The following HYDIN variants were observed in gnomAD, a reference collection of about 807,000 sequenced individuals.
The protein encoded by HYDIN is HYDIN axonemal central pair apparatus protein, also known as axonemal central pair apparatus protein HYDIN.
In HYDIN, 132 loss-of-function variants were observed where a neutral mutation model predicts 403.9. That is an observed-to-expected ratio of 0.33 (90% CI 0.28 to 0.38). The LOEUF (loss-of-function observed/expected upper bound fraction) is 0.38. Ranked by LOEUF, HYDIN falls within the 10% of genes least tolerant of loss-of-function variation. The pLI is 1.00. For synonymous variants in HYDIN, 1,202 were observed against 1,891.7 expected (o/e 0.64, Z 9.46); for missense variants, 2,827 against 5,009.5 (o/e 0.56, Z 13.15).
intron 19 of HYDIN, among the ~76,000 whole-genome samples, chr16:71,030,736 C>A (rs1184911059): frequency 1.3e-5 from 2 of 152,234 alleles, no homozygotes; most frequent in Non-Finnish European, 2.9e-5. Flanking sequence ...TGGTCCAAAC[C>A]TGATTTTTAT....
chr16:71,003,728 G>T (rs1242008404), intron 23 of HYDIN, among the ~76,000 whole-genome samples: 1 of 152,018 alleles, frequency 6.6e-6, no homozygotes, highest in East Asian at 1.9e-4. Flanking sequence ...GAACCCAGGA[G>T]GCGGAGGCTG....
intron 50 of HYDIN, among the ~76,000 whole-genome samples, chr16:70,904,721 C>T (rs1157584489): frequency 1.3e-5 from 2 of 151,124 alleles, no homozygotes; most frequent in South Asian, 2.1e-4. Context: ...AGGCTGGTCT[C>T]GAACTGGTGA....
chr16:71,219,092 T>G (rs984385575), intron 1 of HYDIN, among the ~76,000 whole-genome samples: 7 of 152,182 alleles, frequency 4.6e-5, no homozygotes, highest in African/African-American at 1.7e-4. Context: ...TCAAAGCCAC[T>G]GCTGCAAATT....
At chr16:71,221,213 T>A (rs1184097150) in intron 1 of HYDIN, among the ~76,000 whole-genome samples, 1 of 150,796 alleles carries the variant, frequency 6.6e-6, no homozygotes, top group East Asian at 2.0e-4. Flanking sequence ...CCCAGCTGAA[T>A]GCAGGGGACG....
intron 3 of HYDIN, among the ~76,000 whole-genome samples, chr16:71,179,434 T>C (rs969547532): frequency 2.0e-5 from 3 of 151,430 alleles, no homozygotes; most frequent in Admixed American, 6.6e-5. Context: ...TTCAGAGAAA[T>C]AAAAATTGAA....
intron 77 of HYDIN, among the ~76,000 whole-genome samples, chr16:70,837,307 T>TAA (rs56075280): frequency 1.4e-5 from 2 of 147,218 alleles, no homozygotes; most frequent in African/African-American, 5.4e-5. Context: ...TTAAAAATGT[T>TAA]AAAAAAAATG....
intron 37 of HYDIN, among the ~76,000 whole-genome samples, chr16:70,963,201 A>AT (rs922440796): frequency 3.1e-4 from 46 of 149,532 alleles, no homozygotes; most frequent in African/African-American, 1.0e-3. Flanking sequence ...GCATTTTCTG[A>AT]TTTTTTTTTC....
At position 70,896,096 on chromosome 16, in the gene HYDIN, A is replaced by G. The variant is rs2076194281; in HGVS notation, c.9049-16T>C. ...CATCTAAAACCTGGCAGGGAAAGGGAAAGTCTTCAGTAAAAGCAAGACCTA... is the reference window on the plus strand; with the variant it reads ...CATCTAAAACCTGGCAGGGAAAGGGGAAGTCTTCAGTAAAAGCAAGACCTA... On this transcript the variant is annotated splice_polypyrimidine_tract_variant and intron_variant, in intron 53 of 85. Coordinates refer to ENST00000393567, the MANE Select transcript of HYDIN (RefSeq NM_001270974.2). 6.2e-7 allele frequency: 1 copy of G among 1,613,830 alleles called. No homozygotes were observed. The highest frequency in any genetic ancestry group is 1.1e-5 in the South Asian group (1 of 91,030).
intron 10 of HYDIN, among the ~76,000 whole-genome samples, chr16:71,102,557 G>A (rs973281667): frequency 2.6e-5 from 4 of 151,254 alleles, no homozygotes; most frequent in African/African-American, 9.7e-5. Flanking sequence ...TGATATGAAT[G>A]TATGCATGTG....
At chr16:71,149,504 G>C (rs2085450578) in intron 7 of HYDIN, among the ~76,000 whole-genome samples, 1 of 151,880 alleles carries the variant, frequency 6.6e-6, no homozygotes, top group Admixed American at 6.6e-5. Context: ...ATGTGTACAA[G>C]AATGGTTATT....
intron 10 of HYDIN, among the ~76,000 whole-genome samples, chr16:71,102,611 G>A (rs2083492066): frequency 6.6e-6 from 1 of 151,688 alleles, no homozygotes; most frequent in South Asian, 2.1e-4. Context: ...GCAGTAAAAT[G>A]TATTGTGTGT....
rs1270813842 is a variant in HYDIN, at chr16:70,805,421, G to C, written c.*2159C>G. ...GCCACTCCGAATAACCAGGAGGCTC[G>C]AGGCTTTAGAGTCGTGGTTCTCACA... On this transcript the variant is annotated 3_prime_UTR_variant, in exon 86 of 86. Coordinates refer to ENST00000393567, the MANE Select transcript of HYDIN (RefSeq NM_001270974.2). Among the ~76,000 whole-genome samples, 1 of 152,170 alleles carries C rather than the reference G, an allele frequency of 6.6e-6. No individual in the cohort carries two copies. Among genetic ancestry groups the C allele is most frequent in the Non-Finnish European group, 1.5e-5 (1 of 68,042 alleles).
intron 1 of HYDIN, among the ~76,000 whole-genome samples, chr16:71,217,010 A>G (rs1193755241): frequency 6.6e-6 from 1 of 152,210 alleles, no homozygotes; most frequent in Admixed American, 6.5e-5. Flanking sequence ...CAGCAGGCTC[A>G]CAGGTTTGGC....
intron 1 of HYDIN, among the ~76,000 whole-genome samples, chr16:71,204,661 T>TAA (rs1203386861): frequency 6.6e-6 from 1 of 152,210 alleles, no homozygotes; most frequent in African/African-American, 2.4e-5. Flanking sequence ...TGTAACACTG[T>TAA]ACTTGAGCTG....
intron 1 of HYDIN, among the ~76,000 whole-genome samples, chr16:71,195,048 T>C (rs1436285943): frequency 1.3e-5 from 2 of 152,170 alleles, no homozygotes; most frequent in African/African-American, 2.4e-5. Context: ...ATCAGCCCTA[T>C]TCAATGTGAA....
chr16:71,228,408 C>G (rs893391550), intron 1 of HYDIN, among the ~76,000 whole-genome samples: 1 of 152,174 alleles, frequency 6.6e-6, no homozygotes, highest in African/African-American at 2.4e-5. Context: ...TTGCAATCTA[C>G]TCATCTCACA....
chr16:70,924,844 T>C (rs1006822723), intron 45 of HYDIN, among the ~76,000 whole-genome samples: 1 of 100,336 alleles, frequency 1.0e-5, no homozygotes, highest in Non-Finnish European at 2.0e-5. Context: ...GAAGAATAGT[T>C]AATAAACGCT....
chr16:71,021,807 C>G lies in HYDIN; in HGVS notation c.3187-1490G>C, dbSNP rs528874480. 3.9e-5 allele frequency among the ~76,000 whole-genome samples: 6 copies of G among 152,270 alleles called. No homozygotes were observed. The East Asian group carries it at 1.2e-3, about 29-fold the overall frequency. Reference sequence around the variant, plus strand: ...TTTGTGCCAATATCAGTTAAGCCCTCCTAATTTCATACTTTGATATGACTC... The same window carrying G: ...TTTGTGCCAATATCAGTTAAGCCCTGCTAATTTCATACTTTGATATGACTC... On this transcript the variant is annotated intron_variant, in intron 21 of 85. Transcript: ENST00000393567.
chr16:70,818,769 C>A (rs1383999642), intron 83 of HYDIN, among the ~76,000 whole-genome samples, 197 bp from the exon 84 acceptor site: 2 of 148,666 alleles, frequency 1.3e-5, no homozygotes, highest in Non-Finnish European at 3.0e-5. Flanking sequence ...CGGCTCCTCC[C>A]AGATGAGAGA....
Sources: gnomAD v4.1 joint callset for allele counts (sites outside exome capture counted in the v4.1 genomes callset) on GRCh38, gnomAD v4.1.1 for gene constraint, MANE v1.5 for transcripts, NCBI Gene and HGNC (gene_info 2026-07-23, HGNC 2026-07-21) for gene names.